PCDHGA12: variants seen among roughly 807,000 people sequenced by gnomAD.
The protein encoded by PCDHGA12 is protocadherin gamma-A12.
Under a neutral mutation model 61.1 loss-of-function variants are expected in PCDHGA12, and 43 were observed. That is an observed-to-expected ratio of 0.70 (90% CI 0.55 to 0.91). The LOEUF is 0.91. Ranked by LOEUF, PCDHGA12 falls within the 40% of genes least tolerant of loss-of-function variation. The pLI is 0.00. For synonymous variants in PCDHGA12, 520 were observed against 542.9 expected (o/e 0.96, Z 0.59); for missense variants, 1,236 against 1,227.7 (o/e 1.01, Z -0.10).
chr5:141,432,031 C>T lies in PCDHGA12; in HGVS notation c.1272C>T (p.Ala424=). The T allele has an allele frequency of 6.2e-7, 1 of 1,614,220 alleles. No individual in the cohort carries two copies. Among genetic ancestry groups the T allele is most frequent in the Non-Finnish European group, 8.5e-7 (1 of 1,180,048 alleles). ...QVPSYNITVT[A]TDRGTPPLST... ...CTAGCTACAACATCACAGTGACCGC[C>T]ACTGACCGGGGAACCCCGCCCCTAT... Residue 424 remains alanine, a synonymous_variant, in exon 1 of 4, where the codon GCC becomes GCT. Coordinates refer to ENST00000252085, the MANE Select transcript of PCDHGA12 (RefSeq NM_003735.3). This position sits in a 1 kb window ranked among gnomAD's most constrained non-coding sequence, Gnocchi z 6.0.
intron 1 of PCDHGA12, chr5:141,441,971 G>T: frequency 3.3e-6 from 1 of 298,820 alleles, no homozygotes; most frequent in Non-Finnish European, 6.5e-6. Context: ...AGGCTCTTCA[G>T]CCTGGAATGC....
intron 1 of PCDHGA12, among the ~76,000 whole-genome samples, chr5:141,457,931 T>G (rs1335457669): frequency 6.6e-6 from 1 of 152,184 alleles, no homozygotes; most frequent in Non-Finnish European, 1.5e-5. Context: ...CCAAGGGGCT[T>G]TTATTGGCTC....
At position 141,502,349 on chromosome 5, in the gene PCDHGA12, T is replaced by C. The variant is rs369766657; in HGVS notation, c.2484-3044T>C. 1.3e-3 allele frequency among the ~76,000 whole-genome samples: 200 copies of C among 152,292 alleles called. 3 individuals carry two copies. In the South Asian group the frequency reaches 0.034, roughly 26 times the overall value. On this transcript the variant is annotated intron_variant, in intron 2 of 3. Transcript: ENST00000252085. ...GCTCCCAGTCTTTTTATTTTTTTAA[T>C]GACATGGATATTTTTAAAGAGTCCA...
rs1427881816 is a variant in PCDHGA12 at position 141,486,740 on chromosome 5, T to C, written c.2425-8067T>C. ...AGGAGCTGTTCATGCTACTCGATCC[T>C]TTGACTATGAGCAAACCCAGACACT... On this transcript the variant is annotated intron_variant, in intron 1 of 3. Coordinates refer to ENST00000252085, the MANE Select transcript of PCDHGA12 (RefSeq NM_003735.3). The surrounding 1 kb of genome is among the most constrained non-coding windows in gnomAD (Gnocchi z 5.0). 6.2e-7 allele frequency: 1 copy of C among 1,614,234 alleles called. No homozygotes were observed. Among genetic ancestry groups the C allele is most frequent in the Admixed American group, 1.7e-5 (1 of 60,026 alleles).
chr5:141,442,135 G>C lies in PCDHGA12; in HGVS notation c.2424+8952G>C, dbSNP rs868124128. 8 of 164,066 alleles carry C rather than the reference G, an allele frequency of 4.9e-5. 1 individual carries two copies. The highest frequency in any genetic ancestry group is 2.8e-4 in the South Asian group (2 of 7,026). 10.2% of individuals were successfully genotyped at this position (164,066 alleles called of 1,614,324 possible). On this transcript the variant is annotated intron_variant, in intron 1 of 3. Transcript: ENST00000252085. ...CCCTCGTCGCCGACAGCCTGCAGGA[G>C]ACTCTGCCAGACCTCAGCGATCACT...
chr5:141,485,768 C>G lies in PCDHGA12; in HGVS notation c.2425-9039C>G. ...GGTCCCAGAGCTGCTCCTGGAGAAG[C>G]CTTTGGATCGAGAGAAGCAATCGGA... On this transcript the variant is annotated intron_variant, in intron 1 of 3. Coordinates refer to ENST00000252085, the MANE Select transcript of PCDHGA12 (RefSeq NM_003735.3). The surrounding 1 kb of genome is among the most constrained non-coding windows in gnomAD (Gnocchi z 5.7). 5 of 1,614,192 alleles carry G rather than the reference C, an allele frequency of 3.1e-6. No homozygotes were observed. The South Asian group carries it at 3.3e-5, about 11-fold the overall frequency.
rs749086929 is a variant in PCDHGA12, at chr5:141,485,998, T to A, written c.2425-8809T>A. ...CAGACCCGGACCTGGGTCCCAGTGG[T>A]AACGTCACCTTTTATTTCAGTGGTC... On this transcript the variant is annotated intron_variant, in intron 1 of 3. Transcript: ENST00000252085. The surrounding 1 kb of genome is among the most constrained non-coding windows in gnomAD (Gnocchi z 5.7). 2.4e-5 allele frequency: 38 copies of A among 1,614,068 alleles called. No individual in the cohort carries two copies. Among genetic ancestry groups the A allele is most frequent in the Non-Finnish European group, 3.1e-5 (37 of 1,180,046 alleles).
chr5:141,496,152 C>T (rs771462960), intron 2 of PCDHGA12, among the ~76,000 whole-genome samples: 2 of 152,080 alleles, frequency 1.3e-5, no homozygotes, highest in Non-Finnish European at 1.5e-5. Flanking sequence ...GATCGCAGCT[C>T]TCCACCAGAC....
chr5:141,505,255 C>T (rs2099844853), intron 2 of PCDHGA12, 138 bp from the exon 3 acceptor site: 1 of 1,481,112 alleles, frequency 6.8e-7, no homozygotes, highest in Admixed American at 2.1e-5. Context: ...AGAAGTGCCT[C>T]CTACCTTGCT....
chr5:141,470,597 T>A (rs1309687738), intron 1 of PCDHGA12, among the ~76,000 whole-genome samples: 5 of 152,216 alleles, frequency 3.3e-5, no homozygotes, highest in Non-Finnish European at 7.3e-5. Flanking sequence ...AGGCGACCTG[T>A]GCGGGGACAC....
At chr5:141,506,444 CAAAAAAAA>C (rs1219684339) in intron 3 of PCDHGA12, among the ~76,000 whole-genome samples, 24 of 95,024 alleles carry the variant, frequency 2.5e-4, no homozygotes, top group African/African-American at 9.5e-4. Flanking sequence ...CGCTCTGTCT[CAAAAAAAA>C]AAAAAAAAAA....
chr5:141,484,930 G>A (rs992641330), intron 1 of PCDHGA12: 2 of 501,452 alleles, frequency 4.0e-6, no homozygotes, highest in South Asian at 2.6e-5. Flanking sequence ...CTGCTGTTGG[G>A]ACGTTCTCTG....
chr5:141,487,386 G>C lies in PCDHGA12; in HGVS notation c.2425-7421G>C. On this transcript the variant is annotated intron_variant, in intron 1 of 3. Coordinates refer to ENST00000252085, the MANE Select transcript of PCDHGA12 (RefSeq NM_003735.3). The surrounding 1 kb of genome is among the most constrained non-coding windows in gnomAD (Gnocchi z 5.0). Reference sequence around the variant, plus strand: ...ACCTGTGCCTGTCTCACCAGATCTCGAAGGAGGGAGGGGCTTCCCCCTTCC... The same window carrying C: ...ACCTGTGCCTGTCTCACCAGATCTCCAAGGAGGGAGGGGCTTCCCCCTTCC... The C allele has an allele frequency of 1.2e-6, 2 of 1,614,164 alleles. No homozygotes were observed. Among genetic ancestry groups the C allele is most frequent in the South Asian group, 1.1e-5 (1 of 91,084 alleles).
At chr5:141,495,613 G>A (rs1230710705) in intron 2 of PCDHGA12, among the ~76,000 whole-genome samples, 2 of 152,068 alleles carry the variant, frequency 1.3e-5, no homozygotes, top group Non-Finnish European at 2.9e-5. Flanking sequence ...CTTGATTGCT[G>A]CACCTCAGCC....
Position 141,476,008 on chromosome 5 carries a change from G to T in PCDHGA12, c.2425-18799G>T. 1 of 1,282,144 alleles carries T rather than the reference G, an allele frequency of 7.8e-7. No homozygotes were observed. Among genetic ancestry groups the T allele is most frequent in the Non-Finnish European group, 1.1e-6 (1 of 935,996 alleles). 79.4% of individuals were successfully genotyped at this position (1,282,144 alleles called of 1,614,324 possible). On this transcript the variant is annotated intron_variant, in intron 1 of 3. Coordinates refer to ENST00000252085, the MANE Select transcript of PCDHGA12 (RefSeq NM_003735.3). This position sits in a 1 kb window ranked among gnomAD's most constrained non-coding sequence, Gnocchi z 7.6. ...CGAGCAAATCAACGGCATCCAGAAA[G>T]CCATGTCGGACTCGGCGCCCAGCGC... is the stretch of plus-strand genomic sequence containing the variant.
chr5:141,431,016 C>T lies in PCDHGA12; in HGVS notation c.257C>T (p.Thr86Met), dbSNP rs755015257. Reference sequence around the variant, plus strand: ...AATCCGCGCAGCGGCAGCTTGGTCACGGCGGGCAGGATAGACCGGGAGGAG... The same window carrying T: ...AATCCGCGCAGCGGCAGCTTGGTCATGGCGGGCAGGATAGACCGGGAGGAG... ...ALNPRSGSLV[T>M]AGRIDREELC... The change falls in exon 1 of 4, where the codon ACG becomes ATG. Residue 86 changes from threonine to methionine, a missense_variant. Transcript: ENST00000252085. This position sits in a 1 kb window ranked among gnomAD's most constrained non-coding sequence, Gnocchi z 4.8. 3 of 1,613,456 alleles carry T rather than the reference C, an allele frequency of 1.9e-6. No individual in the cohort carries two copies. The highest frequency in any genetic ancestry group is 2.2e-5 in the South Asian group (2 of 91,058).
At chr5:141,451,124 A>T (rs2098707796) in intron 1 of PCDHGA12, among the ~76,000 whole-genome samples, 1 of 152,102 alleles carries the variant, frequency 6.6e-6, no homozygotes, top group Non-Finnish European at 1.5e-5. Context: ...CACCACACCC[A>T]GCCTTATGAT....
intron 1 of PCDHGA12, among the ~76,000 whole-genome samples, chr5:141,449,003 T>A (rs2098622649): frequency 1.3e-5 from 2 of 152,280 alleles, no homozygotes; most frequent in African/African-American, 4.8e-5. Context: ...AAAGCTGTTT[T>A]TTTTAACAGT....
chr5:141,487,006 G>A lies in PCDHGA12; in HGVS notation c.2425-7801G>A. ...ATGCTTGGGTTTCCTATCAGCTCCT[G>A]GAGGCCCCAGATCCCAGCCTGTTTG... On this transcript the variant is annotated intron_variant, in intron 1 of 3. Transcript: ENST00000252085. This position sits in a 1 kb window ranked among gnomAD's most constrained non-coding sequence, Gnocchi z 5.0. 1 of 1,614,206 alleles carries A rather than the reference G, an allele frequency of 6.2e-7. No homozygotes were observed. The highest frequency in any genetic ancestry group is 8.5e-7 in the Non-Finnish European group (1 of 1,180,042).
Sources: gnomAD v4.1 joint callset for allele counts (sites outside exome capture counted in the v4.1 genomes callset) on GRCh38, gnomAD v4.1.1 for gene constraint, Gnocchi (gnomAD v3.1) non-coding constraint, MANE v1.5 for transcripts, NCBI Gene and HGNC (gene_info 2026-07-23, HGNC 2026-07-21) for gene names.